Variants in CHD6 observed in about 807,000 individuals in gnomAD.
CHD6 encodes chromodomain helicase DNA binding protein 6.
Under a neutral mutation model 276.9 loss-of-function variants are expected in CHD6, and 50 were observed. The ratio of observed to expected loss-of-function variants is 0.18; its 90% confidence interval spans 0.14 to 0.23. CHD6 has a LOEUF of 0.23. Ranked by LOEUF, CHD6 falls within the 10% of genes least tolerant of loss-of-function variation. The pLI, the probability that CHD6 is intolerant of heterozygous loss-of-function variation, is 1.00. For missense variants in CHD6, 2,564 were observed against 3,365.8 expected, an observed-to-expected ratio of 0.76 and a Z score of 5.89; for synonymous variants, 1,173 against 1,229.3, an observed-to-expected ratio of 0.95 and a Z score of 0.96.
chr20:41,468,310 A>G (rs996316203), intron 17 of CHD6, among the ~76,000 whole-genome samples: 9 of 151,980 alleles, frequency 5.9e-5, no homozygotes, highest in African/African-American at 1.9e-4. Flanking sequence ...GCATTTCACG[A>G]TATTGGCCAG....
intron 17 of CHD6, among the ~76,000 whole-genome samples, chr20:41,465,297 C>T (rs1296072571): frequency 2.0e-5 from 3 of 152,100 alleles, no homozygotes; most frequent in Admixed American, 1.3e-4. Flanking sequence ...AGTTACATCA[C>T]GAGTAATAAG....
At chr20:41,600,443 T>C (rs570795099) in intron 1 of CHD6, among the ~76,000 whole-genome samples, 55 of 152,248 alleles carry the variant, frequency 3.6e-4, no homozygotes, top group African/African-American at 1.3e-3. Context: ...GGGGGGGGTC[T>C]TATCCAGGAA....
intron 2 of CHD6, among the ~76,000 whole-genome samples, chr20:41,543,365 G>A (rs1368859706): frequency 2.0e-5 from 3 of 152,080 alleles, no homozygotes; most frequent in Non-Finnish European, 2.9e-5. Context: ...ACACTGTCTC[G>A]TGTACTGGAT....
chr20:41,539,902 T>C (rs762943588), intron 2 of CHD6, among the ~76,000 whole-genome samples: 2 of 152,206 alleles, frequency 1.3e-5, no homozygotes, highest in African/African-American at 2.4e-5. Flanking sequence ...ACATGAAACA[T>C]GTCTACATTT....
At chr20:41,472,538 G>C (rs974785575) in intron 17 of CHD6, among the ~76,000 whole-genome samples, 1 of 152,164 alleles carries the variant, frequency 6.6e-6, no homozygotes, top group Non-Finnish European at 1.5e-5. Context: ...TTAAGATGAA[G>C]TTCTTCATTA....
At chr20:41,426,205 C>T (rs1289468976) in intron 27 of CHD6, 52 bp from the exon 28 acceptor site, 1 of 1,285,358 alleles carries the variant, frequency 7.8e-7, no homozygotes, top group Admixed American at 1.7e-5. Flanking sequence ...TAGAAGAAAC[C>T]AGCTCAGAAA....
At chr20:41,405,863 C>A (rs981227375) in intron 36 of CHD6, among the ~76,000 whole-genome samples, 6 of 152,100 alleles carry the variant, frequency 3.9e-5, no homozygotes, top group African/African-American at 2.4e-5. Flanking sequence ...GCTGAGACCC[C>A]TTCACCAGAT....
At position 41,551,457 on chromosome 20, in the gene CHD6, C is replaced by T. The variant is rs2045144948; in HGVS notation, c.-23-97G>A. On this transcript the variant is annotated intron_variant, in intron 1 of 36. Transcript: ENST00000373233. The stretch of plus-strand genomic sequence containing the variant: ...TACTGTAACACACAAGGAAAACAAA[C>T]AGGGGATTACTTCTGCAGAACATTT... The T allele has an allele frequency of 9.8e-6, 6 of 610,556 alleles. No homozygotes were observed. In the Admixed American group the frequency reaches 1.1e-4, roughly 11 times the overall value. The allele number at this position is 610,556 out of a possible 1,614,324, so 37.8% of individuals were successfully genotyped here.
chr20:41,497,353 C>A, intron 8 of CHD6, 31 bp downstream of exon 8: 1 of 1,314,552 alleles, frequency 7.6e-7, no homozygotes, highest in South Asian at 1.2e-5. Flanking sequence ...AGAAAAGCAG[C>A]AGTCAAATGA....
intron 30 of CHD6, 104 bp downstream of exon 30, chr20:41,423,388 T>C (rs564988815): frequency 2.6e-5 from 28 of 1,059,342 alleles, no homozygotes; most frequent in Non-Finnish European, 3.9e-5. Flanking sequence ...AAATTCCTCA[T>C]GTAGACTCTA....
intron 17 of CHD6, among the ~76,000 whole-genome samples, chr20:41,460,200 A>T (rs2048500620): frequency 6.6e-6 from 1 of 152,256 alleles, no homozygotes; most frequent in Admixed American, 6.5e-5. Context: ...GGGGTGACTT[A>T]GGTTCTGTTA....
At chr20:41,442,990 T>A (rs2047946220) in intron 25 of CHD6, among the ~76,000 whole-genome samples, 2 of 152,204 alleles carry the variant, frequency 1.3e-5, no homozygotes, top group African/African-American at 4.8e-5. Flanking sequence ...TTTCTTCTCT[T>A]GTCTTTATAG....
At position 41,551,898 on chromosome 20, in the gene CHD6, T is replaced by C. The variant is rs547952608; in HGVS notation, c.-23-538A>G. ...TTTATTACTTGAAAAAACAATTCCA[T>C]TGCAATATTTCATACGATTTTTTTT... On this transcript the variant is annotated intron_variant, in intron 1 of 36. Transcript: ENST00000373233. Among the ~76,000 whole-genome samples the C allele has an allele frequency of 5.9e-5, 9 of 152,308 alleles. 1 individual carries two copies. In the South Asian group the frequency reaches 1.5e-3, roughly 25 times the overall value.
At chr20:41,451,163 GT>G in intron 22 of CHD6, 58 bp from the exon 23 acceptor site, 1 of 1,485,398 alleles carries the variant, frequency 6.7e-7, no homozygotes, top group Non-Finnish European at 9.3e-7. Context: ...TTACACACGG[GT>G]TTTAGAAGAG....
intron 7 of CHD6, 130 bp from the exon 8 acceptor site, chr20:41,497,631 A>T: frequency 2.7e-6 from 2 of 739,914 alleles, no homozygotes; most frequent in Non-Finnish European, 4.9e-6. Context: ...ACTGCTGGAG[A>T]TTGGGCTTAG....
At chr20:41,413,607 T>C in intron 34 of CHD6, 92 bp from the exon 35 acceptor site, 1 of 1,033,058 alleles carries the variant, frequency 9.7e-7, no homozygotes, top group Non-Finnish European at 1.4e-6. Context: ...TTTGAATCAC[T>C]CCACCTATTT....
At chr20:41,535,541 C>A (rs1209706466) in intron 2 of CHD6, among the ~76,000 whole-genome samples, 1 of 152,042 alleles carries the variant, frequency 6.6e-6, no homozygotes, top group Non-Finnish European at 1.5e-5. Flanking sequence ...GGCCATGAGA[C>A]CAGCATGATG....
chr20:41,572,965 A>C (rs2045434644), intron 1 of CHD6, among the ~76,000 whole-genome samples: 1 of 151,834 alleles, frequency 6.6e-6, no homozygotes, highest in African/African-American at 2.4e-5. Flanking sequence ...GCTGGAGTGC[A>C]GTGGCACGAT....
intron 10 of CHD6, 25 bp downstream of exon 10, chr20:41,493,512 GC>G: frequency 6.2e-7 from 1 of 1,609,894 alleles, no homozygotes; most frequent in Non-Finnish European, 8.5e-7. Context: ...TCCGAGAAGT[GC>G]CAGAGAGAGA....
Sources: allele counts gnomAD v4.1 joint callset (sites outside exome capture counted in the v4.1 genomes callset), GRCh38; gene constraint gnomAD v4.1.1; transcripts MANE v1.5; gene names NCBI Gene and HGNC (gene_info 2026-07-23, HGNC 2026-07-21).